The following RINT1 variants were observed in gnomAD, a reference collection of about 807,000 sequenced individuals.
The protein encoded by RINT1 is RAD50 interactor 1.
Under a neutral mutation model 97.7 loss-of-function variants are expected in RINT1, and 75 were observed. The ratio of observed to expected loss-of-function variants is 0.77; its 90% CI spans 0.64 to 0.93. The LOEUF is 0.93. Among genes scored for constraint, RINT1 ranks in the 40% least tolerant of loss-of-function variants. RINT1 has a pLI of 0.00. For synonymous variants in RINT1, 303 were observed against 326.3 expected, an observed-to-expected ratio of 0.93 and a Z score of 0.77; for missense variants, 892 against 925.2, an observed-to-expected ratio of 0.96 and a Z score of 0.47.
At chr7:105,546,518 A>G (rs553696532) in intron 4 of RINT1, among the ~76,000 whole-genome samples, 3 of 152,310 alleles carry the variant, frequency 2.0e-5, no homozygotes, top group South Asian at 4.1e-4. Context: ...GTAACTTTAT[A>G]TAAAACATGA....
In RINT1 at chr7:105,550,142, G is replaced by A. The variant is rs1586240760; in HGVS notation, c.1084G>A (p.Val362Ile). The A allele has an allele frequency of 3.1e-6, 5 of 1,613,402 alleles. No homozygotes were observed. The African/African-American group carries it at 5.3e-5, about 17-fold the overall frequency. Reference protein sequence around the residue: ...DEKIQPILDKVGSLVNARLEF... With the variant: ...DEKIQPILDKIGSLVNARLEF... ...GAAGATTCAGCCAATATTAGACAAA[G>A]TAGGCTCTTTGGTAAACGCAAGGGT... The change falls in exon 8 of 15, where the codon GTA (valine) becomes ATA (isoleucine). Residue 362 changes from valine to isoleucine, a missense_variant. Val to Ile is a conservative substitution (Grantham distance 29). Transcript: ENST00000257700.
intron 1 of RINT1, 35 bp downstream of exon 1, chr7:105,532,392 T>C: frequency 1.3e-6 from 2 of 1,589,182 alleles, no homozygotes; most frequent in Non-Finnish European, 8.6e-7. Flanking sequence ...GAGGGGACAT[T>C]GGTGGCCCAT....
At chr7:105,535,507 C>G (rs539770325) in intron 2 of RINT1, 6 of 436,396 alleles carry the variant, frequency 1.4e-5, no homozygotes, top group African/African-American at 1.0e-4. Flanking sequence ...AGATTACAGG[C>G]CTGAGCCACC....
intron 14 of RINT1, chr7:105,566,790 T>G (rs1011149383): frequency 1.8e-5 from 3 of 166,162 alleles, no homozygotes; most frequent in Non-Finnish European, 2.6e-5. Context: ...CTTTCATTTA[T>G]CTCTTATTTT....
intron 4 of RINT1, among the ~76,000 whole-genome samples, chr7:105,544,148 G>A (rs1255845648): frequency 6.6e-6 from 1 of 151,692 alleles, no homozygotes; most frequent in Admixed American, 6.6e-5. Flanking sequence ...CATGTATGAG[G>A]AGTTTTACAT....
intron 9 of RINT1, 74 bp downstream of exon 9, chr7:105,550,560 C>A: frequency 1.8e-6 from 2 of 1,127,280 alleles, no homozygotes; most frequent in Admixed American, 2.0e-5. Context: ...TATTTTTCTT[C>A]TCCAGTTCTA....
At chr7:105,536,528 T>C in intron 2 of RINT1, 37 bp from the exon 3 acceptor site, 2 of 1,403,586 alleles carry the variant, frequency 1.4e-6, no homozygotes, top group Non-Finnish European at 2.0e-6. Flanking sequence ...TCCATAGTAC[T>C]TAGTGGCGTT....
rs1216616934 is a variant in RINT1, at chr7:105,563,720, T to C, written c.1672-13T>C. The C allele has an allele frequency of 6.2e-7, 1 of 1,602,376 alleles. No individual in the cohort carries two copies. The highest frequency in any genetic ancestry group is 8.5e-7 in the Non-Finnish European group (1 of 1,171,400). ...AAAAGTATGCTAATGTGTTAACATG[T>C]TTTTGCTTTCAGTTCTTTCTACAAC... On this transcript the variant is annotated splice_polypyrimidine_tract_variant and intron_variant, in intron 11 of 14. Coordinates refer to ENST00000257700, the MANE Select transcript of RINT1 (RefSeq NM_021930.6).
chr7:105,548,839 C>T, intron 7 of RINT1, 129 bp downstream of exon 7: 1 of 824,694 alleles, frequency 1.2e-6, no homozygotes, highest in Non-Finnish European at 1.9e-6. Flanking sequence ...GGCTACATTC[C>T]TGTTTTGTTA....
At chr7:105,545,960 T>C (rs865814782) in intron 4 of RINT1, among the ~76,000 whole-genome samples, 6 of 131,608 alleles carry the variant, frequency 4.6e-5, no homozygotes, top group South Asian at 2.7e-4. Context: ...CCCACCACCA[T>C]GCCTGGCTAG....
At position 105,565,555 on chromosome 7, in the gene RINT1, A is replaced by G; in HGVS notation, c.2093A>G (p.Glu698Gly). Residue 698 changes from glutamate to glycine, a missense_variant, in exon 14 of 15, where the codon GAA (glutamate) becomes GGA (glycine). Glu to Gly is a moderately conservative substitution (Grantham distance 98). Transcript: ENST00000257700. Reference sequence around the variant, plus strand: ...ATAATTCTTGCTAATCACTTCAATGAAGGAGGAGCAGCCCAGCTGCAGTTT... The same window carrying G: ...ATAATTCTTGCTAATCACTTCAATGGAGGAGGAGCAGCCCAGCTGCAGTTT... ...QEIILANHFN[E>G]GGAAQLQFDM... 1.2e-6 allele frequency: 2 copies of G among 1,613,924 alleles called. No individual in the cohort carries two copies. Among genetic ancestry groups the G allele is most frequent in the African/African-American group, 1.3e-5 (1 of 75,056 alleles).
rs1323331065 is a variant in RINT1 at position 105,547,092 on chromosome 7, T to C, written c.689+9T>C. 1.2e-6 allele frequency: 2 copies of C among 1,613,244 alleles called. No individual in the cohort carries two copies. The highest frequency in any genetic ancestry group is 4.5e-5 in the East Asian group (2 of 44,892). Reference sequence around the variant, plus strand: ...AAGGACAAGCTTACAAGGTAGGGAATTTACCCATATTTTGTGGTAATTGCT... The same window carrying C: ...AAGGACAAGCTTACAAGGTAGGGAACTTACCCATATTTTGTGGTAATTGCT... On this transcript the variant is annotated intron_variant, in intron 5 of 14. Transcript: ENST00000257700.
chr7:105,543,666 T>C (rs1790548122), intron 4 of RINT1, among the ~76,000 whole-genome samples: 1 of 152,234 alleles, frequency 6.6e-6, no homozygotes. Flanking sequence ...AGTCTTAATG[T>C]CCTGTTTCAA....
In RINT1 at chr7:105,535,458, G is replaced by A. The variant is rs536638710; in HGVS notation, c.89-1107G>A. On this transcript the variant is annotated intron_variant, in intron 2 of 14. Transcript: ENST00000257700. ...TTGGCCAGGCTGGTCTCGAACTCCTGACCTTGTGATCTGCCTGCCTCAACC... is the reference window on the plus strand; with the variant it reads ...TTGGCCAGGCTGGTCTCGAACTCCTAACCTTGTGATCTGCCTGCCTCAACC... The A allele has an allele frequency of 2.0e-4, 80 of 397,102 alleles. 1 individual carries two copies. The highest frequency in any genetic ancestry group is 1.6e-3 in the African/African-American group (77 of 48,338). The allele number at this position is 397,102 out of a possible 1,614,324, so 24.6% of individuals were successfully genotyped here.
At position 105,536,588 on chromosome 7, in the gene RINT1, A is replaced by G; in HGVS notation, c.112A>G (p.Ile38Val). The change falls in exon 3 of 15, where the codon ATT becomes GTT. Residue 38 changes from isoleucine to valine, a missense_variant. Coordinates refer to ENST00000257700, the MANE Select transcript of RINT1 (RefSeq NM_021930.6). ...AGGTGACATAAATGTTACAGTTCTT[A>G]TTGGAAGTAAACAAGTCAGTGAAGG... ...EKSDINVTVLIGSKQVSEGTD... is the reference protein window; with the variant it reads ...EKSDINVTVLVGSKQVSEGTD... 2 of 1,601,478 alleles carry G rather than the reference A, an allele frequency of 1.2e-6. No individual in the cohort carries two copies. The highest frequency in any genetic ancestry group is 1.7e-6 in the Non-Finnish European group (2 of 1,174,322).
chr7:105,559,941 C>T (rs965722311), intron 11 of RINT1, among the ~76,000 whole-genome samples: 2 of 152,162 alleles, frequency 1.3e-5, no homozygotes, highest in African/African-American at 4.8e-5. Context: ...CAGATTGTGC[C>T]AAGCCTGAAA....
chr7:105,537,962 TTGGCAATGG>T (rs1418582917), intron 3 of RINT1, among the ~76,000 whole-genome samples: 8 of 152,154 alleles, frequency 5.3e-5, no homozygotes. Context: ...GCCCCTCTAC[TTGGCAATGG>T]TGTGTTTGTC....
chr7:105,563,783 T>C lies in RINT1; in HGVS notation c.1722T>C (p.Asn574=), dbSNP rs1586267243. ...QAALEVFAEN[N]TLSKLQLGQL... ...CACTGGAGGTGTTTGCAGAGAATAA[T>C]ACTCTGAGTAAATTGCAGCTAGGAC... The change falls in exon 12 of 15, where the codon AAT becomes AAC. Residue 574 remains asparagine, a synonymous_variant. Coordinates refer to ENST00000257700, the MANE Select transcript of RINT1 (RefSeq NM_021930.6). 6.2e-7 allele frequency: 1 copy of C among 1,614,218 alleles called. No homozygotes were observed. The highest frequency in any genetic ancestry group is 1.7e-5 in the Admixed American group (1 of 60,022).
Position 105,552,788 on chromosome 7 carries a change from C to T in RINT1, c.1471+1081C>T, listed in dbSNP as rs1586245835. 2.1e-5 allele frequency among the ~76,000 whole-genome samples: 3 copies of T among 141,258 alleles called. No individual in the cohort carries two copies. In the Admixed American group the frequency reaches 2.4e-4, roughly 11 times the overall value. 92.7% of individuals were successfully genotyped at this position (141,258 alleles called of 152,430 possible). ...GCCCAGGATCAAGCAATTCTTTTGC[C>T]TCCGCCTCCCAAGTAGCTGGGATTA... On this transcript the variant is annotated intron_variant, in intron 10 of 14. Coordinates refer to ENST00000257700, the MANE Select transcript of RINT1 (RefSeq NM_021930.6).
Sources: gnomAD v4.1 joint callset for allele counts (sites outside exome capture counted in the v4.1 genomes callset) on GRCh38, gnomAD v4.1.1 for gene constraint, MANE v1.5 for transcripts, NCBI Gene and HGNC (gene_info 2026-07-23, HGNC 2026-07-21) for gene names.